Variants in RAB41 observed in about 807,000 individuals in gnomAD.
The protein encoded by RAB41 is ras-related protein Rab-41.
Under a neutral mutation model 19.0 loss-of-function variants are expected in RAB41, and 15 were observed. That is an observed-to-expected ratio of 0.79 (90% CI 0.53 to 1.21). The LOEUF (loss-of-function observed/expected upper bound fraction) is 1.21, where lower values mean the gene tolerates loss of function less well. RAB41 is among the 50% of genes most tolerant of loss of function. The pLI is 0.00. For missense variants in RAB41, 177 were observed against 179.7 expected (o/e 0.99, Z 0.09); for synonymous variants, 73 against 64.7 (o/e 1.13, Z -0.62).
chrX:70,282,289 G>A lies in RAB41; in HGVS notation c.72G>A (p.Thr24=), dbSNP rs1270949708. Residue 24 remains threonine (T), a synonymous_variant, in exon 1 of 8, where the codon ACG becomes ACA. Coordinates refer to ENST00000374473, the MANE Select transcript of RAB41 (RefSeq NM_001363807.1). ...GGFGLEAAER[T]EYQSLCKSKL... is the part of the protein sequence containing the mutation. ...TTGGTCTGGAGGCTGCCGAAAGAAC[G>A]GAATACCAGTCTCTGTGCAAATCTA... 8 of 1,211,786 alleles carry A rather than the reference G, an allele frequency of 6.6e-6. No homozygotes were observed. Among genetic ancestry groups the A allele is most frequent in the Admixed American group, 2.2e-5 (1 of 46,117 alleles).
rs1259096627 is a variant in RAB41, at chrX:70,283,930, A to C, written c.456-20A>C. 1.8e-6 allele frequency: 2 copies of C among 1,120,330 alleles called. No individual in the cohort carries two copies. The highest frequency in any genetic ancestry group is 2.4e-4 in the Middle Eastern group (1 of 4,165). 92.3% of individuals were successfully genotyped at this position (1,120,330 alleles called of 1,213,427 possible). On this transcript the variant is annotated intron_variant, in intron 5 of 7. Transcript: ENST00000374473. The stretch of plus-strand genomic sequence containing the variant: ...ATATCCAATAACTCTGGCCCTTTTC[A>C]TCATTTCTGATTCGTCCAGACAAGT...
Position 70,282,534 on chromosome X carries a change from A to G in RAB41, c.126A>G (p.Val42=). ...TTGGCCTGCTTATCTCCCTCACAGTAGGGAAGACATCCATCATCAGCCGCT... is the reference window on the plus strand; with the variant it reads ...TTGGCCTGCTTATCTCCCTCACAGTGGGGAAGACATCCATCATCAGCCGCT... The part of the protein sequence containing the change: ...SKLLFLGEQS[V]GKTSIISRFM... The change falls in exon 2 of 8, where the codon GTA becomes GTG. Residue 42 remains valine, a splice_region_variant and synonymous_variant. Coordinates refer to ENST00000374473, the MANE Select transcript of RAB41 (RefSeq NM_001363807.1). 1 of 1,210,888 alleles carries G rather than the reference A, an allele frequency of 8.3e-7. No homozygotes were observed. Among genetic ancestry groups the G allele is most frequent in the African/African-American group, 1.7e-5 (1 of 57,764 alleles).
In RAB41 at chrX:70,284,029, TACA is replaced by T; in HGVS notation, c.538_540del (p.Asn180del). The T allele has an allele frequency of 8.4e-7, 1 of 1,189,634 alleles. No individual in the cohort carries two copies. Among genetic ancestry groups the T allele is most frequent in the Non-Finnish European group, 1.1e-6 (1 of 875,676 alleles). ...TATTGAGACCAGTGCCAAAACCGGT[TACA>T]ACGTGAAAAAGGTAATACTTGTTTC... On this transcript the variant is annotated inframe_deletion, in exon 6 of 8. Coordinates refer to ENST00000374473, the MANE Select transcript of RAB41 (RefSeq NM_001363807.1).
chrX:70,283,048 T>C (rs1286365169), intron 3 of RAB41, among the ~76,000 whole-genome samples, 193 bp downstream of exon 3: 1 of 112,674 alleles, frequency 8.9e-6, no homozygotes, highest in Admixed American at 9.3e-5. Flanking sequence ...TCCTTAAATC[T>C]GCTGTGCTGT....
chrX:70,282,507 G>A lies in RAB41; in HGVS notation c.125-26G>A, dbSNP rs766724589. The A allele has an allele frequency of 3.7e-5, 44 of 1,203,305 alleles. No individual in the cohort carries two copies. In the Admixed American group the frequency reaches 3.9e-4, roughly 11 times the overall value. On this transcript the variant is annotated intron_variant, in intron 1 of 7. Transcript: ENST00000374473. ...GGGGAGAAAGGGCACTGAGGGCGACGATTGGCCTGCTTATCTCCCTCACAG... is the reference window on the plus strand; with the variant it reads ...GGGGAGAAAGGGCACTGAGGGCGACAATTGGCCTGCTTATCTCCCTCACAG...
chrX:70,282,262 C>T lies in RAB41; in HGVS notation c.45C>T (p.Gly15=), dbSNP rs772986294. 27 of 1,210,522 alleles carry T rather than the reference C, an allele frequency of 2.2e-5. No individual in the cohort carries two copies. The South Asian group carries it at 3.9e-4, about 17-fold the overall frequency. Residue 15 remains glycine, a synonymous_variant, in exon 1 of 8, where the codon GGC becomes GGT. Coordinates refer to ENST00000374473, the MANE Select transcript of RAB41 (RefSeq NM_001363807.1). The part of the protein sequence containing the change: ...GHDEAWMEAG[G]FGLEAAERTE... ...ACGAGGCCTGGATGGAGGCCGGAGGCTTTGGTCTGGAGGCTGCCGAAAGAA... is the reference window on the plus strand; with the variant it reads ...ACGAGGCCTGGATGGAGGCCGGAGGTTTTGGTCTGGAGGCTGCCGAAAGAA...
chrX:70,284,290 C>G lies in RAB41; in HGVS notation c.574C>G (p.Leu192Val). The change falls in exon 7 of 8, where the codon CTT becomes GTT. Residue 192 changes from leucine (L) to valine (V), a missense_variant. Coordinates refer to ENST00000374473, the MANE Select transcript of RAB41 (RefSeq NM_001363807.1). ...GCTGTTCCGGCGTGTGGCTTCTGCCCTTCTTTCCACAAGGACTTCACCTCC... is the reference window on the plus strand; with the variant it reads ...GCTGTTCCGGCGTGTGGCTTCTGCCGTTCTTTCCACAAGGACTTCACCTCC... Reference protein sequence around the residue: ...KKLFRRVASALLSTRTSPPPK... With the variant: ...KKLFRRVASAVLSTRTSPPPK... The G allele has an allele frequency of 8.3e-7, 1 of 1,209,709 alleles. No individual in the cohort carries two copies. The highest frequency in any genetic ancestry group is 1.1e-6 in the Non-Finnish European group (1 of 895,009).
chrX:70,284,229 T>C (rs374849793), intron 6 of RAB41, 37 bp from the exon 7 acceptor site: 1 of 735,784 alleles, frequency 1.4e-6, no homozygotes, highest in Non-Finnish European at 1.9e-6. Context: ...TTTTTCCCCT[T>C]TTTTTTTTTT....
chrX:70,284,015 G>A lies in RAB41; in HGVS notation c.521G>A (p.Ser174Asn). ...RNLNVMFIETSAKTGYNVKKL... is the reference protein window; with the variant it reads ...RNLNVMFIETNAKTGYNVKKL... Reference sequence around the variant, plus strand: ...CTCAATGTGATGTTTATTGAGACCAGTGCCAAAACCGGTTACAACGTGAAA... The same window carrying A: ...CTCAATGTGATGTTTATTGAGACCAATGCCAAAACCGGTTACAACGTGAAA... Residue 174 changes from serine to asparagine, a missense_variant, in exon 6 of 8, where the codon AGT (serine) becomes AAT (asparagine). By Grantham distance (46) the Ser-to-Asn change is conservative. Transcript: ENST00000374473. The A allele has an allele frequency of 1.7e-6, 2 of 1,202,201 alleles. No individual in the cohort carries two copies. Among genetic ancestry groups the A allele is most frequent in the Non-Finnish European group, 2.3e-6 (2 of 886,887 alleles).
intron 3 of RAB41, 43 bp from the exon 4 acceptor site, chrX:70,283,225 T>A (rs1397472991): frequency 9.2e-7 from 1 of 1,082,895 alleles, no homozygotes; most frequent in Non-Finnish European, 1.3e-6. Context: ...GCTAGTTTCT[T>A]GTCTACCTTT....
Position 70,283,526 on chromosome X carries a change from T to C in RAB41, c.357T>C (p.Phe119=), listed in dbSNP as rs903957603. 6 of 1,203,048 alleles carry C rather than the reference T, an allele frequency of 5.0e-6. No individual in the cohort carries two copies. Among genetic ancestry groups the C allele is most frequent in the Non-Finnish European group, 6.8e-6 (6 of 888,453 alleles). Reference sequence around the variant, plus strand: ...ATTCTCTTGCAGACATCAATTCTTTTAAGGAGACAGATAAGTGGGTAGAAC... The same window carrying C: ...ATTCTCTTGCAGACATCAATTCTTTCAAGGAGACAGATAAGTGGGTAGAAC... ...VVYDITNINS[F]KETDKWVEHV... The change falls in exon 5 of 8, where the codon TTT becomes TTC. Residue 119 remains phenylalanine (F), a synonymous_variant. Coordinates refer to ENST00000374473, the MANE Select transcript of RAB41 (RefSeq NM_001363807.1).
chrX:70,282,368 A>T (rs900043759), intron 1 of RAB41, 27 bp downstream of exon 1: 5 of 1,204,675 alleles, frequency 4.2e-6, no homozygotes, highest in Non-Finnish European at 5.6e-6. Context: ...GGCTTTGGGG[A>T]CATGGAGGTG....
intron 5 of RAB41, 100 bp from the exon 6 acceptor site, chrX:70,283,850 C>A: frequency 1.6e-6 from 1 of 614,134 alleles, no homozygotes; most frequent in Non-Finnish European, 2.7e-6. Flanking sequence ...GGGTTTAAGG[C>A]TTCTAGGGTT....
chrX:70,282,493 G>A, intron 1 of RAB41, 40 bp from the exon 2 acceptor site: 1 of 1,186,678 alleles, frequency 8.4e-7, no homozygotes, highest in Non-Finnish European at 1.1e-6. Flanking sequence ...GGGAGAAAGG[G>A]CACTGAGGGC....
At position 70,283,631 on chromosome X, in the gene RAB41, T is replaced by A. The variant is rs1032875984; in HGVS notation, c.455+7T>A. On this transcript the variant is annotated splice_region_variant and intron_variant, in intron 5 of 7. Coordinates refer to ENST00000374473, the MANE Select transcript of RAB41 (RefSeq NM_001363807.1). ...TTGATTTGGATAACAAAAGGTAAAG[T>A]ATAACTACAACTTCTTCTGGCATAC... 2.7e-6 allele frequency: 3 copies of A among 1,114,920 alleles called. No individual in the cohort carries two copies. The African/African-American group carries it at 5.4e-5, about 20-fold the overall frequency. The allele number at this position is 1,114,920 out of a possible 1,213,427, so 91.9% of individuals were successfully genotyped here.
At chrX:70,283,070 G>GAATC (rs1365184420) in intron 3 of RAB41, among the ~76,000 whole-genome samples, 198 bp from the exon 4 acceptor site, 5 of 112,733 alleles carry the variant, frequency 4.4e-5, no homozygotes, top group African/African-American at 1.6e-4. Context: ...GGGTCTTCCT[G>GAATC]AATCAAAACA....
intron 2 of RAB41, 77 bp downstream of exon 2, chrX:70,282,668 A>T (rs1218737279): frequency 1.8e-6 from 2 of 1,095,736 alleles, no homozygotes; most frequent in African/African-American, 3.7e-5. Flanking sequence ...CTCCTCCTCA[A>T]AGTTATGTAT....
At chrX:70,283,818 A>G (rs1445311050) in intron 5 of RAB41, 132 bp from the exon 6 acceptor site, 5 of 538,551 alleles carry the variant, frequency 9.3e-6, no homozygotes, top group Non-Finnish European at 9.5e-6. Flanking sequence ...GAGAGTCCCC[A>G]CCCTGTAGTC....
rs2147647269 is a variant in RAB41, at chrX:70,283,537, A to G, written c.368A>G (p.Asp123Gly). 2 of 1,207,635 alleles carry G rather than the reference A, an allele frequency of 1.7e-6. No individual in the cohort carries two copies. The highest frequency in any genetic ancestry group is 2.2e-6 in the Non-Finnish European group (2 of 891,414). ...GACATCAATTCTTTTAAGGAGACAG[A>G]TAAGTGGGTAGAACACGTGCGAGCA... ...ITNINSFKET[D>G]KWVEHVRAER... The change falls in exon 5 of 8, where the codon GAT becomes GGT. Residue 123 changes from aspartate to glycine, a missense_variant. Asp to Gly is a moderately conservative substitution (Grantham distance 94). Coordinates refer to ENST00000374473, the MANE Select transcript of RAB41 (RefSeq NM_001363807.1).
Sources: allele counts gnomAD v4.1 joint callset (sites outside exome capture counted in the v4.1 genomes callset), GRCh38; gene constraint gnomAD v4.1.1; transcripts MANE v1.5; gene names NCBI Gene and HGNC (gene_info 2026-07-23, HGNC 2026-07-21).